DOCK2: variants seen among roughly 807,000 people sequenced by gnomAD.
The protein encoded by DOCK2 is dedicator of cytokinesis protein 2.
In DOCK2, 87 loss-of-function variants were observed where a neutral mutation model predicts 248.9. That is an observed-to-expected ratio of 0.35 (90% CI 0.29 to 0.42). The LOEUF is 0.42. DOCK2 is among the 10% of genes least tolerant of loss of function. The pLI is 1.00. For missense variants in DOCK2, 1,747 were observed against 2,300.2 expected (o/e 0.76, Z 4.92); for synonymous variants, 805 against 821.6 (o/e 0.98, Z 0.35).
At chr5:169,715,344 G>A (rs944339725) in intron 19 of DOCK2, among the ~76,000 whole-genome samples, 2 of 152,108 alleles carry the variant, frequency 1.3e-5, no homozygotes, top group African/African-American at 2.4e-5. Context: ...TGTTTTGAGG[G>A]ATTATAGGAA....
chr5:169,947,482 A>T (rs1002504907), intron 27 of DOCK2, among the ~76,000 whole-genome samples: 4 of 152,204 alleles, frequency 2.6e-5, no homozygotes, highest in Non-Finnish European at 5.9e-5. Context: ...GCACAGGCTC[A>T]GAGAGGTGAA....
rs555128768 is a variant in DOCK2, at chr5:169,761,435, G to A, written c.2448-84G>A. ...GACTTGGGGGTTTCCCAGAGCTAGA[G>A]GTCCAGGGATGGACTGTAAGTGCTA... On this transcript the variant is annotated intron_variant, in intron 24 of 51. Transcript: ENST00000520908. 7.1e-6 allele frequency: 8 copies of A among 1,122,954 alleles called. No homozygotes were observed. In the Admixed American group the frequency reaches 7.5e-5, roughly 11 times the overall value. 69.6% of individuals were successfully genotyped at this position (1,122,954 alleles called of 1,614,324 possible). A position where few individuals can be genotyped will look rare whatever the true frequency, so the allele number is the denominator to read the frequency against.
chr5:169,684,007 A>G (rs1055194716), intron 7 of DOCK2, among the ~76,000 whole-genome samples, 189 bp from the exon 8 acceptor site: 6 of 152,198 alleles, frequency 3.9e-5, no homozygotes, highest in African/African-American at 1.4e-4. Flanking sequence ...ACATTTCCCA[A>G]GATAGAAAAA....
intron 41 of DOCK2, among the ~76,000 whole-genome samples, chr5:170,051,557 T>A (rs2113853751): frequency 6.6e-6 from 1 of 152,354 alleles, no homozygotes; most frequent in East Asian, 1.9e-4. Flanking sequence ...TGTGGCCTTC[T>A]CTGAACTCTT....
chr5:169,787,178 A>G (rs1017092240), intron 25 of DOCK2, among the ~76,000 whole-genome samples: 2 of 152,216 alleles, frequency 1.3e-5, no homozygotes, highest in South Asian at 2.1e-4. Flanking sequence ...ACCGTTGTCT[A>G]TATAGCACTT....
chr5:169,649,235 G>A (rs1436377393), intron 1 of DOCK2, among the ~76,000 whole-genome samples: 2 of 152,288 alleles, frequency 1.3e-5, no homozygotes, highest in African/African-American at 4.8e-5. Context: ...TTAACACTTG[G>A]TGTTGGCTGA....
At chr5:169,902,727 A>G (rs11746697) in intron 27 of DOCK2, among the ~76,000 whole-genome samples, 55,426 of 152,030 alleles carry the variant, frequency 0.36, 11,286 homozygotes, top group Admixed American at 0.5. Flanking sequence ...AATCTGCAGA[A>G]AATGGGTTGG....
intron 30 of DOCK2, among the ~76,000 whole-genome samples, chr5:169,996,550 C>A (rs1043894812): frequency 6.6e-6 from 1 of 152,160 alleles, no homozygotes; most frequent in African/African-American, 2.4e-5. Context: ...TTCTCCAGTA[C>A]AACTTTGTGG....
At chr5:169,714,488 T>C in intron 19 of DOCK2, 31 bp downstream of exon 19, 1 of 1,609,640 alleles carries the variant, frequency 6.2e-7, no homozygotes, top group Non-Finnish European at 8.5e-7. Flanking sequence ...ATTGTATTCT[T>C]ACACTAGTGA....
intron 8 of DOCK2, 83 bp downstream of exon 8, chr5:169,684,433 G>A: frequency 6.6e-7 from 1 of 1,518,742 alleles, no homozygotes; most frequent in Non-Finnish European, 8.9e-7. Context: ...CTCACTTGTG[G>A]AGCAATCTCC....
intron 22 of DOCK2, among the ~76,000 whole-genome samples, chr5:169,721,515 A>G (rs1272930080): frequency 6.6e-6 from 1 of 152,258 alleles, no homozygotes; most frequent in African/African-American, 2.4e-5. Flanking sequence ...ACTAGAAAAC[A>G]GAAGTTTCAA....
chr5:169,917,270 C>A (rs1000331272), intron 27 of DOCK2, among the ~76,000 whole-genome samples: 1 of 152,160 alleles, frequency 6.6e-6, no homozygotes. Context: ...GTAGACCAGG[C>A]CAATATAATT....
intron 46 of DOCK2, among the ~76,000 whole-genome samples, chr5:170,070,258 T>C (rs952238522): frequency 6.6e-6 from 1 of 152,270 alleles, no homozygotes; most frequent in Non-Finnish European, 1.5e-5. Flanking sequence ...TTCTTGCCAG[T>C]CACTGTGCAA....
At chr5:170,064,151 C>T (rs1166253087) in intron 44 of DOCK2, among the ~76,000 whole-genome samples, 1 of 152,156 alleles carries the variant, frequency 6.6e-6, no homozygotes, top group Non-Finnish European at 1.5e-5. Context: ...GATCCTTCTT[C>T]TACACAAGGC....
At chr5:170,049,088 T>C (rs968707053) in intron 40 of DOCK2, among the ~76,000 whole-genome samples, 2 of 152,144 alleles carry the variant, frequency 1.3e-5, no homozygotes, top group Non-Finnish European at 2.9e-5. Flanking sequence ...CCTGGAGAAC[T>C]TGTTAAAAGT....
chr5:169,651,572 C>A, intron 1 of DOCK2, among the ~76,000 whole-genome samples: 1 of 152,190 alleles, frequency 6.6e-6, no homozygotes, highest in African/African-American at 2.4e-5. Context: ...GCCTGGTTTT[C>A]TTCTGTTGGA....
At chr5:169,658,758 C>T (rs1758273858) in intron 2 of DOCK2, among the ~76,000 whole-genome samples, 1 of 151,054 alleles carries the variant, frequency 6.6e-6, no homozygotes, top group Non-Finnish European at 1.5e-5. Flanking sequence ...AAAATACAGT[C>T]TTTAAGTTGG....
At chr5:169,870,246 G>T (rs952929349) in intron 27 of DOCK2, among the ~76,000 whole-genome samples, 1 of 152,278 alleles carries the variant, frequency 6.6e-6, no homozygotes, top group South Asian at 2.1e-4. Flanking sequence ...CCTCTTGGGG[G>T]TACCTCACTA....
intron 27 of DOCK2, among the ~76,000 whole-genome samples, chr5:169,865,649 G>C (rs972885343): frequency 3.9e-5 from 6 of 152,214 alleles, no homozygotes; most frequent in Non-Finnish European, 7.3e-5. Context: ...TTTCATACCA[G>C]GGGTCTCAGA....
Sources: allele counts gnomAD v4.1 joint callset (sites outside exome capture counted in the v4.1 genomes callset), GRCh38; gene constraint gnomAD v4.1.1; transcripts MANE v1.5; gene names NCBI Gene and HGNC (gene_info 2026-07-23, HGNC 2026-07-21).